The following TASOR2 variants were observed in gnomAD, a reference collection of about 807,000 sequenced individuals.
TASOR2 encodes the protein protein TASOR 2.
TASOR2 carries 84 observed loss-of-function variants against 199.5 expected under a neutral mutation model. The ratio of observed to expected loss-of-function variants is 0.42; its 90% CI spans 0.35 to 0.50. TASOR2 has a LOEUF of 0.50. TASOR2 is among the 20% of genes least tolerant of loss of function. The pLI is 0.02. For missense variants in TASOR2, 2,796 were observed against 2,835.9 expected (o/e 0.99, Z 0.32); for synonymous variants, 1,103 against 1,046.6 (o/e 1.05, Z -1.04).
At chr10:5,694,982 A>C (rs183540459) in intron 1 of TASOR2, among the ~76,000 whole-genome samples, 1 of 152,322 alleles carries the variant, frequency 6.6e-6, no homozygotes, top group Admixed American at 6.5e-5. Flanking sequence ...GCATATATTT[A>C]GGATTTTTAT....
At chr10:5,725,804 A>T (rs1833987486) in intron 8 of TASOR2, among the ~76,000 whole-genome samples, 1 of 152,116 alleles carries the variant, frequency 6.6e-6, no homozygotes, top group South Asian at 2.1e-4. Context: ...CTCTTAAATC[A>T]TAGCTCCTGT....
intron 1 of TASOR2, among the ~76,000 whole-genome samples, chr10:5,704,809 C>G (rs10737013): frequency 0.54 from 82,594 of 151,924 alleles, 23,037 homozygotes; most frequent in Middle Eastern, 0.66. Context: ...ACTTATGAAC[C>G]ATTTATATGT....
intron 8 of TASOR2, among the ~76,000 whole-genome samples, chr10:5,726,637 T>C (rs1834091721): frequency 6.6e-6 from 1 of 152,244 alleles, no homozygotes; most frequent in Admixed American, 6.5e-5. Context: ...ATCTGCCATG[T>C]TCTTGAGCAC....
chr10:5,723,568 C>CT (rs1298660099), intron 6 of TASOR2, 109 bp from the exon 8 acceptor site: 6 of 588,196 alleles, frequency 1.0e-5, no homozygotes, highest in Non-Finnish European at 1.4e-5. Flanking sequence ...AACTTAAGGT[C>CT]TTTTTTGTGG....
rs1835899566 is a variant in TASOR2, at chr10:5,687,167, A to G, written c.-288+1992A>G. 6.6e-6 allele frequency among the ~76,000 whole-genome samples: 1 copy of G among 152,204 alleles called. No homozygotes were observed. Among genetic ancestry groups the G allele is most frequent in the Admixed American group, 6.5e-5 (1 of 15,268 alleles). On this transcript the variant is annotated intron_variant, in intron 1 of 20. Transcript: ENST00000328090. This position sits in a 1 kb window ranked among gnomAD's most constrained non-coding sequence, Gnocchi z 4.8. ...ATATGCTTTTTGTCAGTACATGTTA[A>G]TGGTATATTTCATAACAAAAATTAA...
rs528482966 is a variant in TASOR2 at position 5,723,583 on chromosome 10, AT to A, written c.147-89del. The A allele has an allele frequency of 3.9e-4, 264 of 671,308 alleles. No individual in the cohort carries two copies. The African/African-American group carries it at 4.4e-3, about 11-fold the overall frequency. 41.6% of individuals were successfully genotyped at this position (671,308 alleles called of 1,614,324 possible). A position where few individuals can be genotyped will look rare whatever the true frequency, so the allele number is the denominator to read the frequency against. ...AACTTAAGGTCTTTTTTGTGGTTAT[AT>A]TTTTGTTTACATTTATATTAGAAAA... On this transcript the variant is annotated intron_variant, in intron 6 of 20. Transcript: ENST00000328090.
rs71485439 is a variant in TASOR2, at chr10:5,754,810, G to C, written c.6607-1803G>C. 1.3e-5 allele frequency among the ~76,000 whole-genome samples: 2 copies of C among 151,370 alleles called. No individual in the cohort carries two copies. The highest frequency in any genetic ancestry group is 3.0e-5 in the Non-Finnish European group (2 of 67,768). ...TGTAATCCCAGCACTTTGGGAGGCCGAGGTGGGCGGATCACAAGGTCAGGA... is the reference window on the plus strand; with the variant it reads ...TGTAATCCCAGCACTTTGGGAGGCCCAGGTGGGCGGATCACAAGGTCAGGA... On this transcript the variant is annotated intron_variant, in intron 15 of 20. Coordinates refer to ENST00000328090, the Ensembl canonical transcript of TASOR2. The surrounding 1 kb of genome is among the most constrained non-coding windows in gnomAD (Gnocchi z 4.3).
intron 13 of TASOR2, 101 bp from the exon 15 acceptor site, chr10:5,741,991 TAAAAA>T: frequency 9.3e-7 from 1 of 1,078,422 alleles, no homozygotes; most frequent in Non-Finnish European, 1.3e-6. Flanking sequence ...ATTTTAAAAA[TAAAAA>T]CAAAAACTAA....
chr10:5,712,104 C>T (rs556642259), intron 1 of TASOR2: 1 of 196,432 alleles, frequency 5.1e-6, no homozygotes, highest in Non-Finnish European at 1.0e-5. Context: ...CAGTTGTATC[C>T]ACTTTTGACC....
chr10:5,686,837 T>C (rs565789398), intron 1 of TASOR2, among the ~76,000 whole-genome samples: 1 of 152,384 alleles, frequency 6.6e-6, no homozygotes, highest in African/African-American at 2.4e-5. Context: ...CTTTCGCCCA[T>C]GTAACTATTA....
In TASOR2 at chr10:5,720,901, T is replaced by C; in HGVS notation, c.77T>C (p.Ile26Thr). The C allele has an allele frequency of 6.2e-7, 1 of 1,612,334 alleles. No individual in the cohort carries two copies. Among genetic ancestry groups the C allele is most frequent in the Admixed American group, 1.7e-5 (1 of 59,772 alleles). ...ATGTCTCCATGGAAAGGGAAATTAA[T>C]TGTTCAAGACCGTATGCTATGTGAT... Residue 26 changes from isoleucine to threonine, a missense_variant, in exon 6 of 21, where the codon ATT becomes ACT. Physicochemically the swap from Ile to Thr is moderately conservative, Grantham distance 89. Coordinates refer to ENST00000328090, the Ensembl canonical transcript of TASOR2. This position sits in a 1 kb window ranked among gnomAD's most constrained non-coding sequence, Gnocchi z 5.3.
At chr10:5,714,764 G>A (rs965501123) in intron 2 of TASOR2, among the ~76,000 whole-genome samples, 1 of 152,164 alleles carries the variant, frequency 6.6e-6, no homozygotes, top group Non-Finnish European at 1.5e-5. Context: ...TTTAGCCCAG[G>A]AGTTTGCACC....
At chr10:5,735,508 G>A (rs1461365863) in exon 12 of TASOR2, 9 of 1,613,914 alleles carry the variant, frequency 5.6e-6, no homozygotes, top group Non-Finnish European at 7.6e-6. Context: ...ATAGTAAAAG[G>A]CAATGAGAAC....
Position 5,720,504 on chromosome 10 carries a change from C to CA in TASOR2, c.-99-39dup, listed in dbSNP as rs1360900938. 6.7e-7 allele frequency: 1 copy of CA among 1,493,052 alleles called. No individual in the cohort carries two copies. Among genetic ancestry groups the CA allele is most frequent in the Non-Finnish European group, 8.9e-7 (1 of 1,124,340 alleles). 92.5% of individuals were successfully genotyped at this position (1,493,052 alleles called of 1,614,324 possible). On this transcript the variant is annotated intron_variant, in intron 3 of 20. Transcript: ENST00000328090. This position sits in a 1 kb window ranked among gnomAD's most constrained non-coding sequence, Gnocchi z 5.3. The stretch of plus-strand genomic sequence containing the variant: ...GAAAAACTTGGTACATATGCAGTTC[C>CA]ATAGTGCTACCCTGATAATACTTAT...
chr10:5,728,759 A>G (rs1038237131), intron 10 of TASOR2, among the ~76,000 whole-genome samples: 3 of 152,168 alleles, frequency 2.0e-5, no homozygotes, highest in African/African-American at 4.8e-5. Context: ...AGCATTTATC[A>G]TGTCAGGTTT....
chr10:5,715,352 A>G (rs998322698), intron 2 of TASOR2, among the ~76,000 whole-genome samples: 1 of 152,028 alleles, frequency 6.6e-6, no homozygotes, highest in Non-Finnish European at 1.5e-5. Context: ...TTTTTCACCC[A>G]AAAAAGAAAT....
At chr10:5,747,973 G>A in exon 15 of TASOR2, 1 of 1,613,406 alleles carries the variant, frequency 6.2e-7, no homozygotes, top group Non-Finnish European at 8.5e-7. Flanking sequence ...CTCAGGAAAG[G>A]TGCAGTGCTA....
chr10:5,713,106 C>G (rs1372113149), intron 2 of TASOR2, among the ~76,000 whole-genome samples, 188 bp downstream of exon 2: 2 of 152,124 alleles, frequency 1.3e-5, no homozygotes, highest in African/African-American at 4.8e-5. Flanking sequence ...TACAACTTTT[C>G]ACGGTTTCTC....
At chr10:5,747,625 G>C in exon 15 of TASOR2, 1 of 1,614,150 alleles carries the variant, frequency 6.2e-7, no homozygotes, top group Non-Finnish European at 8.5e-7. Context: ...AGTATCACCA[G>C]CGTCTAGTCC....
Sources: allele counts gnomAD v4.1 joint callset (sites outside exome capture counted in the v4.1 genomes callset), GRCh38; gene constraint gnomAD v4.1.1; non-coding constraint Gnocchi (gnomAD v3.1); transcripts MANE v1.5; gene names NCBI Gene and HGNC (gene_info 2026-07-23, HGNC 2026-07-21).